ARHGEF28: variants seen among roughly 807,000 people sequenced by gnomAD.
The protein encoded by ARHGEF28 is 190 kDa guanine nucleotide exchange factor.
ARHGEF28 carries 152 observed loss-of-function variants against 206.6 expected under a neutral mutation model. The ratio of observed to expected loss-of-function variants is 0.74; its 90% CI spans 0.64 to 0.84. The LOEUF (loss-of-function observed/expected upper bound fraction) is 0.84. Among genes scored for constraint, ARHGEF28 ranks in the 40% least tolerant of loss-of-function variants. The probability of loss-of-function intolerance (pLI) is 0.00; values close to 1 mark genes in which losing one functional copy is unlikely to be tolerated. For missense variants in ARHGEF28, 2,028 were observed against 2,073.2 expected (o/e 0.98, Z 0.42); for synonymous variants, 763 against 776.4 (o/e 0.98, Z 0.29).
chr5:73,891,942 G>A lies in ARHGEF28; in HGVS notation c.3388-110G>A, dbSNP rs1357357168. The A allele has an allele frequency of 1.1e-5, 10 of 934,524 alleles. No homozygotes were observed. The Admixed American group carries it at 2.3e-4, about 21-fold the overall frequency. 57.9% of individuals were successfully genotyped at this position (934,524 alleles called of 1,614,324 possible). ...TTCTACAGCTCTTTTGAAAAGATTG[G>A]AAGTGGAGAAAGGTTTACCTAGTAC... On this transcript the variant is annotated intron_variant, in intron 26 of 35. Transcript: ENST00000513042.
At chr5:73,800,552 G>A (rs1755069046) in intron 9 of ARHGEF28, among the ~76,000 whole-genome samples, 1 of 152,094 alleles carries the variant, frequency 6.6e-6, no homozygotes, top group Non-Finnish European at 1.5e-5. Context: ...CTTTTGGTGG[G>A]TGTTGGGACT....
At chr5:73,885,541 G>A (rs139036387) in intron 24 of ARHGEF28, among the ~76,000 whole-genome samples, 235 of 149,388 alleles carry the variant, frequency 1.6e-3, no homozygotes, top group African/African-American at 5.5e-3. Context: ...GAGTGGTACA[G>A]TCTTGGTTCC....
At chr5:73,823,002 G>T (rs544409632) in intron 9 of ARHGEF28, among the ~76,000 whole-genome samples, 3 of 152,248 alleles carry the variant, frequency 2.0e-5, no homozygotes, top group African/African-American at 7.2e-5. Context: ...TTGGTGAAAA[G>T]GACTTTCTAT....
chr5:73,669,796 G>T (rs535125461), intron 1 of ARHGEF28, among the ~76,000 whole-genome samples: 310 of 152,146 alleles, frequency 2.0e-3, no homozygotes, highest in African/African-American at 6.9e-3. Context: ...AAGCAATTCT[G>T]GTGACTCAGC....
chr5:73,672,745 G>A (rs1360559081), intron 1 of ARHGEF28, among the ~76,000 whole-genome samples: 2 of 152,240 alleles, frequency 1.3e-5, no homozygotes, highest in Admixed American at 1.3e-4. Flanking sequence ...GATTGTAAAG[G>A]TGATGTCTGA....
At chr5:73,789,687 TA>T (rs1754354209) in intron 7 of ARHGEF28, among the ~76,000 whole-genome samples, 1 of 152,188 alleles carries the variant, frequency 6.6e-6, no homozygotes, top group Non-Finnish European at 1.5e-5. Context: ...TTATTTTATT[TA>T]TTTTTTTGAT....
chr5:73,874,574 C>T (rs1760328089), intron 22 of ARHGEF28, among the ~76,000 whole-genome samples: 1 of 122,086 alleles, frequency 8.2e-6, no homozygotes, highest in African/African-American at 3.0e-5. Context: ...CCCCCTCCCC[C>T]CACCCCACAA....
chr5:73,825,029 T>C (rs2112545466), intron 9 of ARHGEF28, among the ~76,000 whole-genome samples: 1 of 152,328 alleles, frequency 6.6e-6, no homozygotes, highest in East Asian at 1.9e-4. Flanking sequence ...TGATAAATTA[T>C]TTATCTCTTC....
chr5:73,736,109 A>C (rs933437840), intron 2 of ARHGEF28, among the ~76,000 whole-genome samples: 1 of 152,262 alleles, frequency 6.6e-6, no homozygotes, highest in African/African-American at 2.4e-5. Flanking sequence ...GAATGAAGGA[A>C]TAAGAGAAAA....
At chr5:73,805,048 C>A (rs1755359589) in intron 9 of ARHGEF28, among the ~76,000 whole-genome samples, 2 of 152,074 alleles carry the variant, frequency 1.3e-5, no homozygotes, top group Admixed American at 6.5e-5. Context: ...TTTATGTATG[C>A]CTGTATAGAG....
At chr5:73,747,904 G>A (rs564594301) in intron 2 of ARHGEF28, among the ~76,000 whole-genome samples, 7 of 152,310 alleles carry the variant, frequency 4.6e-5, no homozygotes, top group African/African-American at 1.4e-4. Context: ...ACTCTCATAA[G>A]CTGTAGTCCT....
intron 7 of ARHGEF28, among the ~76,000 whole-genome samples, chr5:73,792,643 T>TTG (rs35610749): frequency 2.6e-5 from 1 of 38,324 alleles, no homozygotes; most frequent in Non-Finnish European, 5.9e-5. Context: ...CCTTCCCTTC[T>TTG]TTTTTTTTTT....
At chr5:73,802,781 T>A (rs937104664) in intron 9 of ARHGEF28, among the ~76,000 whole-genome samples, 2 of 151,768 alleles carry the variant, frequency 1.3e-5, no homozygotes, top group African/African-American at 4.8e-5. Context: ...TTTCTTGTGT[T>A]GAAACACTTC....
At chr5:73,798,707 A>G (rs1561411846) in intron 9 of ARHGEF28, among the ~76,000 whole-genome samples, 1 of 152,218 alleles carries the variant, frequency 6.6e-6, no homozygotes, top group Non-Finnish European at 1.5e-5. Flanking sequence ...AGAAGAAAAG[A>G]AGGTAGATGA....
At chr5:73,669,969 G>C (rs1351284325) in intron 1 of ARHGEF28, among the ~76,000 whole-genome samples, 1 of 152,224 alleles carries the variant, frequency 6.6e-6, no homozygotes, top group East Asian at 1.9e-4. Context: ...TTACAGGTGT[G>C]AGCCACGGTG....
At chr5:73,878,102 G>A (rs1406544410) in intron 22 of ARHGEF28, among the ~76,000 whole-genome samples, 1 of 152,024 alleles carries the variant, frequency 6.6e-6, no homozygotes, top group East Asian at 1.9e-4. Flanking sequence ...ATGAATCTGG[G>A]TGCTCCTGTA....
intron 4 of ARHGEF28, among the ~76,000 whole-genome samples, chr5:73,766,618 G>T (rs1334130932): frequency 6.6e-6 from 1 of 152,192 alleles, no homozygotes; most frequent in African/African-American, 2.4e-5. Flanking sequence ...AAAGTGTGAT[G>T]ACTTGGCCCT....
At chr5:73,817,335 C>T (rs1756284880) in intron 9 of ARHGEF28, among the ~76,000 whole-genome samples, 1 of 152,186 alleles carries the variant, frequency 6.6e-6, no homozygotes, top group South Asian at 2.1e-4. Context: ...TTAGATAGCA[C>T]CATATTTTCT....
chr5:73,890,101 G>A (rs1330344137), intron 26 of ARHGEF28, among the ~76,000 whole-genome samples: 2 of 152,192 alleles, frequency 1.3e-5, no homozygotes, highest in Admixed American at 6.5e-5. Context: ...TTCCTGGAGA[G>A]TTAATTTGAA....
Sources: allele counts gnomAD v4.1 joint callset (sites outside exome capture counted in the v4.1 genomes callset), GRCh38; gene constraint gnomAD v4.1.1; transcripts MANE v1.5; gene names NCBI Gene and HGNC (gene_info 2026-07-23, HGNC 2026-07-21).